The following ANXA3 variants were observed in gnomAD, a reference collection of about 807,000 sequenced individuals.
ANXA3 encodes annexin A3, also known as 35-alpha calcimedin.
Under a neutral mutation model 48.8 loss-of-function variants are expected in ANXA3, and 46 were observed. That is an observed-to-expected ratio of 0.94 (90% CI 0.74 to 1.21). ANXA3 has a LOEUF of 1.21. ANXA3 is among the 50% of genes most tolerant of loss of function. The probability of loss-of-function intolerance (pLI) is 0.00; values close to 1 mark genes in which losing one functional copy is unlikely to be tolerated. For synonymous variants in ANXA3, 128 were observed against 134.7 expected (o/e 0.95, Z 0.35); for missense variants, 383 against 378.6 (o/e 1.01, Z -0.10).
chr4:78,567,197 C>T (rs768522647), intron 2 of ANXA3, among the ~76,000 whole-genome samples: 1 of 152,212 alleles, frequency 6.6e-6, no homozygotes, highest in South Asian at 2.1e-4. Flanking sequence ...CTGGCCTTTA[C>T]CTGCTGTATT....
chr4:78,586,326 GA>G lies in ANXA3; in HGVS notation c.380del (p.Asp127ValfsTer31), dbSNP rs755496966. 10 of 1,613,210 alleles carry G rather than the reference GA, an allele frequency of 6.2e-6. No homozygotes were observed. In the Admixed American group the frequency reaches 8.3e-5, roughly 13 times the overall value. Reference sequence around the variant, plus strand: ...TACCAGGACAAGCAGGCAAATGAAGGATATCTCTCAAGCCTATTATACAGGT... The same window carrying G: ...TACCAGGACAAGCAGGCAAATGAAGGTATCTCTCAAGCCTATTATACAGGT... The part of the protein sequence containing the change: ...LTTRTSRQMK[D>X]ISQAYYTVYK... On this transcript the variant is annotated frameshift_variant, in exon 6 of 13. Transcript: ENST00000264908. LOFTEE classifies it high-confidence loss of function.
chr4:78,602,657 G>C (rs950738709), intron 11 of ANXA3: 2 of 152,222 alleles, frequency 1.3e-5, no homozygotes, highest in Non-Finnish European at 2.9e-5. Flanking sequence ...CTAGGGCCTT[G>C]TGCACAGAAG....
intron 9 of ANXA3, 199 bp from the exon 10 acceptor site, chr4:78,597,118 GGA>G: frequency 2.1e-6 from 1 of 476,636 alleles, no homozygotes; most frequent in Middle Eastern, 5.7e-4. Flanking sequence ...AATCATCTAG[GGA>G]GTTTGGGTTT....
intron 7 of ANXA3, among the ~76,000 whole-genome samples, chr4:78,593,112 ACCACACAC>A (rs2109943777): frequency 1.5e-5 from 1 of 64,578 alleles, no homozygotes; most frequent in African/African-American, 4.9e-5. Context: ...GAACACACAT[ACCACACAC>A]ACACACACAC....
At chr4:78,609,351 C>T (rs1723710866) in intron 12 of ANXA3, among the ~76,000 whole-genome samples, 1 of 152,190 alleles carries the variant, frequency 6.6e-6, no homozygotes, top group African/African-American at 2.4e-5. Flanking sequence ...AGTTTTACCT[C>T]CTGTGAAGTC....
intron 2 of ANXA3, among the ~76,000 whole-genome samples, chr4:78,563,526 ACGT>A (rs5859638): frequency 0.73 from 110,691 of 151,464 alleles, 41,265 homozygotes; most frequent in East Asian, 0.88. Context: ...GAGCTTGGTC[ACGT>A]CTTCTGCCAT....
At chr4:78,601,670 A>G in intron 11 of ANXA3, 102 bp downstream of exon 11, 1 of 980,790 alleles carries the variant, frequency 1.0e-6, no homozygotes, top group Non-Finnish European at 1.6e-6. Context: ...ATTTTAATGT[A>G]ATTTAAACAT....
chr4:78,553,136 A>G (rs1722434691), intron 1 of ANXA3, among the ~76,000 whole-genome samples: 1 of 152,214 alleles, frequency 6.6e-6, no homozygotes, highest in Admixed American at 6.5e-5. Context: ...GCAGCAGATT[A>G]AGGCAGAAGC....
intron 2 of ANXA3, among the ~76,000 whole-genome samples, chr4:78,554,744 T>C (rs571821669): frequency 6.6e-6 from 1 of 152,332 alleles, no homozygotes; most frequent in East Asian, 1.9e-4. Context: ...GTATATAATT[T>C]GGGAATTTAT....
intron 4 of ANXA3, among the ~76,000 whole-genome samples, chr4:78,580,106 A>G (rs1578397151): frequency 6.6e-6 from 1 of 152,230 alleles, no homozygotes; most frequent in African/African-American, 2.4e-5. Context: ...ATTAGAATAT[A>G]ATAAACAAGT....
chr4:78,609,876 G>T (rs980510388), intron 12 of ANXA3, among the ~76,000 whole-genome samples, 180 bp from the exon 13 acceptor site: 3 of 152,098 alleles, frequency 2.0e-5, no homozygotes, highest in Non-Finnish European at 4.4e-5. Context: ...GAAGATGCTG[G>T]TCAGAACGTA....
chr4:78,584,261 C>T (rs1723128441), intron 5 of ANXA3, among the ~76,000 whole-genome samples: 2 of 152,172 alleles, frequency 1.3e-5, no homozygotes, highest in Admixed American at 1.3e-4. Flanking sequence ...TCACTGCAGC[C>T]TCAACCTCCC....
At chr4:78,599,443 T>C (rs1366310566) in intron 10 of ANXA3, among the ~76,000 whole-genome samples, 1 of 152,228 alleles carries the variant, frequency 6.6e-6, no homozygotes, top group East Asian at 1.9e-4. Flanking sequence ...CTTAGAATCG[T>C]GTAATAGGAG....
rs1442924379 is a variant in ANXA3 at position 78,586,348 on chromosome 4, C to G, written c.401C>G (p.Thr134Arg). 6.2e-7 allele frequency: 1 copy of G among 1,609,226 alleles called. No homozygotes were observed. The highest frequency in any genetic ancestry group is 8.5e-7 in the Non-Finnish European group (1 of 1,176,860). The change falls in exon 6 of 13, where the codon ACA (threonine) becomes AGA (arginine). Residue 134 changes from threonine (T) to arginine (R), a missense_variant and splice_region_variant. Transcript: ENST00000264908. ...AAGGATATCTCTCAAGCCTATTATA[C>G]AGGTGTCTTATTTTCTGCTTACCTT... ...QMKDISQAYY[T>R]VYKKSLGDDI... is the part of the protein sequence containing the mutation.
chr4:78,609,287 C>T (rs1723710001), intron 12 of ANXA3, among the ~76,000 whole-genome samples: 1 of 152,068 alleles, frequency 6.6e-6, no homozygotes, highest in Non-Finnish European at 1.5e-5. Flanking sequence ...GTTGGGTTAC[C>T]TCAAATAAAA....
At chr4:78,572,976 G>A in intron 2 of ANXA3, 1 of 669,366 alleles carries the variant, frequency 1.5e-6, no homozygotes, top group Non-Finnish European at 2.8e-6. Flanking sequence ...TGTGAGGCTA[G>A]AAGCAAGATG....
At chr4:78,576,585 C>T (rs552716307) in intron 3 of ANXA3, among the ~76,000 whole-genome samples, 1 of 152,308 alleles carries the variant, frequency 6.6e-6, no homozygotes, top group South Asian at 2.1e-4. Context: ...ATGTGAGTCA[C>T]TGCACCCAGC....
At chr4:78,577,868 C>G (rs1415698643) in intron 3 of ANXA3, among the ~76,000 whole-genome samples, 1 of 152,192 alleles carries the variant, frequency 6.6e-6, no homozygotes, top group African/African-American at 2.4e-5. Context: ...GTTTTTCTTA[C>G]TACTGTAGTC....
chr4:78,608,105 C>T (rs1022200729), intron 12 of ANXA3, among the ~76,000 whole-genome samples: 1 of 151,908 alleles, frequency 6.6e-6, no homozygotes, highest in Admixed American at 6.6e-5. Flanking sequence ...GTGCTAGGCT[C>T]AGGGTTACAA....
Sources: gnomAD v4.1 joint callset for allele counts (sites outside exome capture counted in the v4.1 genomes callset) on GRCh38, gnomAD v4.1.1 for gene constraint, MANE v1.5 for transcripts, NCBI Gene and HGNC (gene_info 2026-07-23, HGNC 2026-07-21) for gene names.